CADM1: variants seen among roughly 807,000 people sequenced by gnomAD.
CADM1 encodes the protein cell adhesion molecule 1.
Under a neutral mutation model 53.1 loss-of-function variants are expected in CADM1, and 15 were observed. The ratio of observed to expected loss-of-function variants is 0.28; its 90% CI spans 0.19 to 0.44. CADM1 has a LOEUF of 0.44. CADM1 is among the 20% of genes least tolerant of loss of function. CADM1 has a pLI of 1.00. For missense variants in CADM1, 434 were observed against 611.3 expected, an observed-to-expected ratio of 0.71 and a Z score of 3.06; for synonymous variants, 281 against 243.0, an observed-to-expected ratio of 1.16 and a Z score of -1.45.
chr11:115,307,263 C>CA (rs970193127), intron 1 of CADM1, among the ~76,000 whole-genome samples: 1 of 151,756 alleles, frequency 6.6e-6, no homozygotes, highest in Non-Finnish European at 1.5e-5. Flanking sequence ...TTTACAATTA[C>CA]AAGAGCCCAA....
At chr11:115,279,915 C>T (rs1376441570) in intron 1 of CADM1, among the ~76,000 whole-genome samples, 1 of 152,194 alleles carries the variant, frequency 6.6e-6, no homozygotes, top group Admixed American at 6.5e-5. Context: ...AATGAAATTA[C>T]GGCAAGCCAG....
At chr11:115,479,811 T>C (rs1218361934) in intron 1 of CADM1, among the ~76,000 whole-genome samples, 4 of 152,204 alleles carry the variant, frequency 2.6e-5, no homozygotes, top group African/African-American at 9.6e-5. Flanking sequence ...GCTTCTTAGT[T>C]CTTGTCTAGG....
At position 115,174,257 on chromosome 11, in the gene CADM1, A is replaced by G; in HGVS notation, c.*2217T>C. ...AAAATGAGATGCCAATTCTGTGAGC[A>G]ATGGTGTGATTTTTTTTTTTTGTTT... On this transcript the variant is annotated 3_prime_UTR_variant, in exon 12 of 12. Coordinates refer to ENST00000331581, the MANE Select transcript of CADM1 (RefSeq NM_001301043.2). The G allele has an allele frequency of 1.0e-6, 1 of 975,990 alleles. No homozygotes were observed. Among genetic ancestry groups the G allele is most frequent in the Non-Finnish European group, 1.2e-6 (1 of 826,990 alleles). 60.5% of individuals were successfully genotyped at this position (975,990 alleles called of 1,614,324 possible).
chr11:115,434,925 A>G (rs1330999939), intron 1 of CADM1, among the ~76,000 whole-genome samples: 1 of 150,114 alleles, frequency 6.7e-6, no homozygotes, highest in Non-Finnish European at 1.5e-5. Flanking sequence ...CAATGGTGCA[A>G]TCTTGGCTCA....
chr11:115,233,161 A>T (rs552528491), intron 3 of CADM1, among the ~76,000 whole-genome samples: 5 of 152,182 alleles, frequency 3.3e-5, no homozygotes, highest in African/African-American at 4.8e-5. Context: ...CGGGGGGTGT[A>T]ATGAGCAGAG....
intron 1 of CADM1, among the ~76,000 whole-genome samples, chr11:115,329,916 T>A (rs892834556): frequency 1.2e-4 from 18 of 151,436 alleles, no homozygotes; most frequent in Non-Finnish European, 1.5e-5. Context: ...CTCTCGGTGT[T>A]CAGATGTTCC....
At chr11:115,231,627 C>G (rs1172444761) in intron 3 of CADM1, 137 bp from the exon 4 acceptor site, 1 of 799,546 alleles carries the variant, frequency 1.3e-6, no homozygotes, top group Non-Finnish European at 2.1e-6. Context: ...ACAAAGTAAT[C>G]ATCAAATAAA....
intron 1 of CADM1, among the ~76,000 whole-genome samples, chr11:115,242,614 T>C (rs1367371832): frequency 1.3e-5 from 2 of 152,188 alleles, no homozygotes; most frequent in Non-Finnish European, 2.9e-5. Flanking sequence ...TCAAGGGCTA[T>C]AACTGTCTTA....
chr11:115,356,171 C>T (rs1945865614), intron 1 of CADM1, among the ~76,000 whole-genome samples: 1 of 151,290 alleles, frequency 6.6e-6, no homozygotes, highest in Non-Finnish European at 1.5e-5. Context: ...TAAGAAGTTA[C>T]TAGCCCATTT....
chr11:115,399,351 A>G (rs1000647109), intron 1 of CADM1: 1 of 152,222 alleles, frequency 6.6e-6, no homozygotes, highest in African/African-American at 2.4e-5. Context: ...ACAAGAAATT[A>G]TCTAGTTTCT....
intron 1 of CADM1, among the ~76,000 whole-genome samples, chr11:115,411,712 G>T (rs891657455): frequency 3.3e-5 from 5 of 151,922 alleles, no homozygotes; most frequent in Admixed American, 3.3e-4. Flanking sequence ...TGTTGCCCAG[G>T]TTGGAGTGCA....
At chr11:115,334,565 T>C (rs141200953) in intron 1 of CADM1, among the ~76,000 whole-genome samples, 24 of 152,278 alleles carry the variant, frequency 1.6e-4, no homozygotes, top group African/African-American at 4.6e-4. Flanking sequence ...TGTTAATCTC[T>C]TATTGTGCCT....
intron 1 of CADM1, among the ~76,000 whole-genome samples, chr11:115,405,739 T>TTA (rs757178913): frequency 6.6e-6 from 1 of 152,216 alleles, no homozygotes; most frequent in Admixed American, 6.5e-5. Flanking sequence ...ATAACAGCAT[T>TTA]TATATCATTA....
intron 1 of CADM1, among the ~76,000 whole-genome samples, chr11:115,273,459 G>A (rs943879609): frequency 1.3e-5 from 2 of 152,012 alleles, no homozygotes; most frequent in African/African-American, 2.4e-5. Flanking sequence ...ATATCAGTTC[G>A]ATAATTAAGT....
At chr11:115,449,725 G>A (rs762465834) in intron 1 of CADM1, among the ~76,000 whole-genome samples, 17 of 152,104 alleles carry the variant, frequency 1.1e-4, no homozygotes, top group Non-Finnish European at 2.1e-4. Context: ...TGTTTTATAC[G>A]AAAACATGTA....
chr11:115,184,866 ACTCAGGG>A (rs895398284), intron 10 of CADM1, among the ~76,000 whole-genome samples: 1 of 152,184 alleles, frequency 6.6e-6, no homozygotes, highest in Admixed American at 6.5e-5. Context: ...AATGATCAGG[ACTCAGGG>A]CTCTCTTAGA....
rs181422267 is a variant in CADM1 at position 115,173,145 on chromosome 11, T to A, written c.*3329A>T. On this transcript the variant is annotated 3_prime_UTR_variant, in exon 12 of 12. Coordinates refer to ENST00000331581, the MANE Select transcript of CADM1 (RefSeq NM_001301043.2). Reference sequence around the variant, plus strand: ...AGTCCTCCACAGCTCACGTCTTCTTTTTATGAAAGGAGAGAGAACTTTCAA... The same window carrying A: ...AGTCCTCCACAGCTCACGTCTTCTTATTATGAAAGGAGAGAGAACTTTCAA... 1 of 152,336 alleles carries A rather than the reference T, an allele frequency of 6.6e-6. No individual in the cohort carries two copies. The highest frequency in any genetic ancestry group is 2.1e-4 in the South Asian group (1 of 4,816). The allele number at this position is 152,336 out of a possible 1,614,324, so 9.4% of individuals were successfully genotyped here. A position where few individuals can be genotyped will look rare whatever the true frequency, so the allele number is the denominator to read the frequency against.
chr11:115,318,442 T>C (rs1944732621), intron 1 of CADM1, among the ~76,000 whole-genome samples: 1 of 152,174 alleles, frequency 6.6e-6, no homozygotes, highest in South Asian at 2.1e-4. Flanking sequence ...ACCCTGAAGA[T>C]GAAACTAGAG....
chr11:115,195,116 T>G (rs1250719364), intron 9 of CADM1, among the ~76,000 whole-genome samples: 1 of 152,206 alleles, frequency 6.6e-6, no homozygotes, highest in African/African-American at 2.4e-5. Flanking sequence ...TGTGTCAGCC[T>G]AGTCTAAAAA....
Sources: allele counts gnomAD v4.1 joint callset (sites outside exome capture counted in the v4.1 genomes callset), GRCh38; gene constraint gnomAD v4.1.1; transcripts MANE v1.5; gene names NCBI Gene and HGNC (gene_info 2026-07-23, HGNC 2026-07-21).